The following AGBL1 variants were observed in gnomAD, a reference collection of about 807,000 sequenced individuals.
AGBL1 encodes cytosolic carboxypeptidase 4.
In AGBL1, 130 loss-of-function variants were observed where a neutral mutation model predicts 118.9. That is an observed-to-expected ratio of 1.09 (90% CI 0.95 to 1.26). AGBL1 has a LOEUF of 1.26. Ranked by LOEUF, AGBL1 falls within the 50% of genes most tolerant of loss-of-function variation. The pLI is 0.00. For missense variants in AGBL1, 1,584 were observed against 1,298.1 expected (o/e 1.22, Z -3.38); for synonymous variants, 555 against 478.9 (o/e 1.16, Z -2.08).
At chr15:86,116,526 T>C (rs1187424419) in intron 1 of AGBL1, 1 of 152,180 alleles carries the variant, frequency 6.6e-6, no homozygotes, top group Admixed American at 6.5e-5. Flanking sequence ...GTGGGCATAG[T>C]CTAATCTGTT....
At chr15:86,684,680 C>G (rs2086023329) in intron 22 of AGBL1, among the ~76,000 whole-genome samples, 1 of 152,096 alleles carries the variant, frequency 6.6e-6, no homozygotes. Flanking sequence ...AATTCTGATT[C>G]AAAGTATTTC....
chr15:86,625,017 TGAA>T (rs1239353735), intron 21 of AGBL1, among the ~76,000 whole-genome samples: 1 of 152,152 alleles, frequency 6.6e-6, no homozygotes, highest in Non-Finnish European at 1.5e-5. Context: ...GTGAGTGAGA[TGAA>T]GGACTGGTGA....
At chr15:86,712,273 G>A (rs946413639) in intron 22 of AGBL1, among the ~76,000 whole-genome samples, 7 of 151,772 alleles carry the variant, frequency 4.6e-5, no homozygotes, top group South Asian at 2.1e-4. Flanking sequence ...TCCCAGCCTC[G>A]TTTTGTAAGT....
At chr15:86,269,386 G>T (rs1040031310) in intron 13 of AGBL1, among the ~76,000 whole-genome samples, 1 of 152,152 alleles carries the variant, frequency 6.6e-6, no homozygotes, top group Non-Finnish European at 1.5e-5. Context: ...AAATAGCAAT[G>T]GCATATCCAA....
intron 21 of AGBL1, among the ~76,000 whole-genome samples, chr15:86,652,744 C>T (rs1282037711): frequency 2.0e-5 from 3 of 152,118 alleles, no homozygotes; most frequent in Non-Finnish European, 2.9e-5. Flanking sequence ...TGAATGACTA[C>T]ATTAAATCTC....
intron 23 of AGBL1, among the ~76,000 whole-genome samples, chr15:86,933,442 T>C (rs577950820): frequency 1.3e-5 from 2 of 152,336 alleles, no homozygotes; most frequent in South Asian, 2.1e-4. Flanking sequence ...AGGAGTCATG[T>C]AGCCAGAGGT....
chr15:86,084,643 A>C (rs1895511098), intron 1 of AGBL1, among the ~76,000 whole-genome samples: 1 of 152,218 alleles, frequency 6.6e-6, no homozygotes, highest in South Asian at 2.1e-4. Context: ...CTAAACCTGA[A>C]GGTTGGGGCA....
chr15:86,978,784 A>G (rs1485304638), intron 23 of AGBL1, among the ~76,000 whole-genome samples: 2 of 152,150 alleles, frequency 1.3e-5, no homozygotes, highest in Non-Finnish European at 2.9e-5. Context: ...GGCCTCTCAG[A>G]CTGGCAAGAT....
chr15:86,370,467 G>A (rs28496205), intron 17 of AGBL1, among the ~76,000 whole-genome samples: 6,874 of 152,130 alleles, frequency 0.045, 188 homozygotes, highest in South Asian at 0.075. Context: ...ATCATGACTG[G>A]CTAATGCTTG....
chr15:86,975,053 G>A (rs1018018548), intron 23 of AGBL1, among the ~76,000 whole-genome samples: 3 of 151,976 alleles, frequency 2.0e-5, no homozygotes, highest in African/African-American at 7.3e-5. Flanking sequence ...TGAGGTTCTG[G>A]AGACAGGACC....
intron 19 of AGBL1, among the ~76,000 whole-genome samples, chr15:86,524,635 C>T (rs2083236941): frequency 1.3e-5 from 2 of 152,198 alleles, no homozygotes; most frequent in Admixed American, 6.5e-5. Flanking sequence ...ATTGATATCT[C>T]ATGGTCCTAG....
At chr15:86,967,739 T>C (rs1035321907) in intron 23 of AGBL1, among the ~76,000 whole-genome samples, 4 of 152,132 alleles carry the variant, frequency 2.6e-5, no homozygotes, top group African/African-American at 9.7e-5. Context: ...CCTTGTAGTA[T>C]AGTTTGAAGT....
intron 19 of AGBL1, among the ~76,000 whole-genome samples, chr15:86,535,606 A>G (rs1225921046): frequency 3.3e-5 from 5 of 152,186 alleles, no homozygotes; most frequent in Non-Finnish European, 7.4e-5. Context: ...TTTATAACTC[A>G]CACAAACTGA....
chr15:86,256,875 TG>T lies in AGBL1; in HGVS notation c.760del (p.Glu254SerfsTer11). 5 of 1,613,914 alleles carry T rather than the reference TG, an allele frequency of 3.1e-6. No individual in the cohort carries two copies. Among genetic ancestry groups the T allele is most frequent in the Non-Finnish European group, 3.4e-6 (4 of 1,179,862 alleles). On this transcript the variant is annotated frameshift_variant, in exon 8 of 23. Coordinates refer to ENST00000614907, the MANE Select transcript of AGBL1 (RefSeq NM_001386094.1). LOFTEE classifies it high-confidence loss of function. ...CAGAACTGCCTGGATGACAAGAGCA[TG>T]GAGCCCGTCATCTCTGTGGTGCTTC... The part of the protein sequence containing the change: ...TTQNCLDDKS[M>X]EPVISVVLQI...
At chr15:86,874,406 A>ACACACACACACACC (rs1400743693) in intron 22 of AGBL1, among the ~76,000 whole-genome samples, 1 of 151,336 alleles carries the variant, frequency 6.6e-6, no homozygotes, top group Non-Finnish European at 1.5e-5. Flanking sequence ...ACACACACAC[A>ACACACACACACACC]CACCCTGGGG....
At chr15:86,455,127 C>T (rs553970499) in intron 18 of AGBL1, among the ~76,000 whole-genome samples, 4 of 152,278 alleles carry the variant, frequency 2.6e-5, no homozygotes, top group Admixed American at 2.0e-4. Context: ...AGAATAGCAG[C>T]TGATGATAAA....
intron 22 of AGBL1, among the ~76,000 whole-genome samples, chr15:86,783,243 G>A (rs1230799114): frequency 1.3e-5 from 2 of 152,030 alleles, no homozygotes; most frequent in Non-Finnish European, 1.5e-5. Context: ...CTTCTACCAC[G>A]AGTCCTAAGA....
chr15:86,198,331 T>C (rs952986395), intron 5 of AGBL1, among the ~76,000 whole-genome samples: 15 of 152,318 alleles, frequency 9.8e-5, no homozygotes, highest in Non-Finnish European at 1.9e-4. Context: ...CTGAATACAA[T>C]TGTATTCGAC....
intron 22 of AGBL1, among the ~76,000 whole-genome samples, chr15:86,776,636 A>G (rs76989815): frequency 0.1 from 15,183 of 147,134 alleles, 797 homozygotes; most frequent in South Asian, 0.15. Flanking sequence ...GTTTTTTTTT[A>G]TTTATGGAAA....
Sources: gnomAD v4.1 joint callset for allele counts (sites outside exome capture counted in the v4.1 genomes callset) on GRCh38, gnomAD v4.1.1 for gene constraint, MANE v1.5 for transcripts, NCBI Gene and HGNC (gene_info 2026-07-23, HGNC 2026-07-21) for gene names.